NRSN1: variants seen among roughly 807,000 people sequenced by gnomAD.
The protein encoded by NRSN1 is neurensin-1.
NRSN1 carries 14 observed loss-of-function variants against 17.3 expected under a neutral mutation model. The ratio of observed to expected loss-of-function variants is 0.81; its 90% CI spans 0.54 to 1.27. NRSN1 has a LOEUF of 1.27. Ranked by LOEUF, NRSN1 falls within the 50% of genes most tolerant of loss-of-function variation. The pLI is 0.00. For synonymous variants in NRSN1, 79 were observed against 94.2 expected, an observed-to-expected ratio of 0.84 and a Z score of 0.93; for missense variants, 209 against 235.9, an observed-to-expected ratio of 0.89 and a Z score of 0.75.
In NRSN1 at chr6:24,145,989, G is replaced by T; in HGVS notation, c.*43G>T. On this transcript the variant is annotated 3_prime_UTR_variant, in exon 4 of 4. Coordinates refer to ENST00000378491, the MANE Select transcript of NRSN1 (RefSeq NM_080723.5). This position sits in a 1 kb window ranked among gnomAD's most constrained non-coding sequence, Gnocchi z 4.4. Reference sequence around the variant, plus strand: ...TTCTTCTTGTCTGATTTATGCCCGTGGTTAAAAAGAGCAGGCCAGTTTTCG... The same window carrying T: ...TTCTTCTTGTCTGATTTATGCCCGTTGTTAAAAAGAGCAGGCCAGTTTTCG... 1 of 1,565,520 alleles carries T rather than the reference G, an allele frequency of 6.4e-7. No individual in the cohort carries two copies. The highest frequency in any genetic ancestry group is 8.7e-7 in the Non-Finnish European group (1 of 1,154,508).
At chr6:24,141,085 C>A in intron 3 of NRSN1, 1 of 1,412,370 alleles carries the variant, frequency 7.1e-7, no homozygotes. Context: ...CCCCAGGTTG[C>A]TCTGCTGAGC....
intron 3 of NRSN1, among the ~76,000 whole-genome samples, chr6:24,137,302 T>G (rs182925827): frequency 6.6e-6 from 1 of 152,214 alleles, no homozygotes; most frequent in East Asian, 1.9e-4. Context: ...TAACATCTAT[T>G]TCACAGTATC....
intron 3 of NRSN1, among the ~76,000 whole-genome samples, chr6:24,143,265 A>C (rs1274767684): frequency 6.6e-6 from 1 of 152,062 alleles, no homozygotes; most frequent in Non-Finnish European, 1.5e-5. Flanking sequence ...CCAAAGTGCT[A>C]AGATTACAGG....
chr6:24,137,929 A>T (rs1760142229), intron 3 of NRSN1, among the ~76,000 whole-genome samples: 2 of 152,072 alleles, frequency 1.3e-5, no homozygotes, highest in Admixed American at 6.6e-5. Flanking sequence ...GCTAAGAGTC[A>T]TGGGAGAGTA....
At chr6:24,141,929 A>G (rs1760210584) in intron 3 of NRSN1, among the ~76,000 whole-genome samples, 1 of 151,620 alleles carries the variant, frequency 6.6e-6, no homozygotes, top group South Asian at 2.1e-4. Context: ...GCTACCCTCA[A>G]TTTTTGATAA....
At chr6:24,142,759 T>C (rs1032429689) in intron 3 of NRSN1, among the ~76,000 whole-genome samples, 2 of 152,152 alleles carry the variant, frequency 1.3e-5, no homozygotes, top group African/African-American at 4.8e-5. Context: ...GCAGTGAGTG[T>C]TACAACTCAT....
At chr6:24,131,835 T>C (rs564620158) in intron 2 of NRSN1, among the ~76,000 whole-genome samples, 1 of 152,370 alleles carries the variant, frequency 6.6e-6, no homozygotes, top group East Asian at 1.9e-4. Flanking sequence ...AATATTCTTT[T>C]GATCTGCCAG....
At position 24,135,200 on chromosome 6, in the gene NRSN1, G is replaced by A. The variant is rs181834354; in HGVS notation, c.189+684G>A. On this transcript the variant is annotated intron_variant, in intron 3 of 3. Transcript: ENST00000378491. ...CTGTAAACAAAGAAACCACATGATA[G>A]AATGTTAGGTAGTGATAGTGCTATG... Among the ~76,000 whole-genome samples the A allele has an allele frequency of 1.2e-4, 18 of 152,326 alleles. No homozygotes were observed. In the East Asian group the frequency reaches 1.7e-3, roughly 15 times the overall value.
In NRSN1 at chr6:24,146,106, C is replaced by G. The variant is rs1353361844; in HGVS notation, c.*160C>G. 1.2e-6 allele frequency: 1 copy of G among 803,264 alleles called. No homozygotes were observed. Among genetic ancestry groups the G allele is most frequent in the African/African-American group, 1.7e-5 (1 of 59,250 alleles). 49.8% of individuals were successfully genotyped at this position (803,264 alleles called of 1,614,324 possible). Reference sequence around the variant, plus strand: ...ACTCACACTTGCTCAGTTCAGGCAGCTCTGCTGGAGGGCGGTGCCATGCCT... The same window carrying G: ...ACTCACACTTGCTCAGTTCAGGCAGGTCTGCTGGAGGGCGGTGCCATGCCT... On this transcript the variant is annotated 3_prime_UTR_variant, in exon 4 of 4. Transcript: ENST00000378491.
At chr6:24,138,859 A>G (rs1232196288) in intron 3 of NRSN1, among the ~76,000 whole-genome samples, 5 of 152,224 alleles carry the variant, frequency 3.3e-5, no homozygotes, top group African/African-American at 1.2e-4. Context: ...TAAATCGCAA[A>G]TAAATATTGT....
chr6:24,140,097 G>A (rs1445921068), intron 3 of NRSN1, among the ~76,000 whole-genome samples: 3 of 152,188 alleles, frequency 2.0e-5, no homozygotes, highest in Non-Finnish European at 2.9e-5. Flanking sequence ...ATCAATGAAC[G>A]TAGAATATTT....
rs1484150562 is a variant in NRSN1, at chr6:24,142,212, T to TTTTTTTTTTTTTTTTTTTTC, written c.190-3334_190-3333insTTTTTTTTTTTTTTTTTCTT. Among the ~76,000 whole-genome samples the TTTTTTTTTTTTTTTTTTTTC allele has an allele frequency of 5.6e-4, 76 of 134,588 alleles. 7 individuals carry two copies. The highest frequency in any genetic ancestry group is 9.4e-4 in the Non-Finnish European group (57 of 60,528). The allele number at this position is 134,588 out of a possible 152,430, so 88.3% of individuals were successfully genotyped here. A position where few individuals can be genotyped will look rare whatever the true frequency, so the allele number is the denominator to read the frequency against. ...ACAGCTTTTTTTTTTTTTTTTTTTT[T>TTTTTTTTTTTTTTTTTTTTC]TTCAGAAGACATCCTATTGACTCTT... On this transcript the variant is annotated intron_variant, in intron 3 of 3. Coordinates refer to ENST00000378491, the MANE Select transcript of NRSN1 (RefSeq NM_080723.5).
chr6:24,142,383 G>A (rs1760224990), intron 3 of NRSN1, among the ~76,000 whole-genome samples: 1 of 152,072 alleles, frequency 6.6e-6, no homozygotes, highest in Non-Finnish European at 1.5e-5. Flanking sequence ...GTCATGGGTA[G>A]CAGGAATCAC....
chr6:24,140,934 G>A, intron 3 of NRSN1: 3 of 1,322,688 alleles, frequency 2.3e-6, no homozygotes, highest in Non-Finnish European at 2.9e-6. Flanking sequence ...CAGGAACTGG[G>A]TTTTCACACA....
rs371479525 is a variant in NRSN1 at position 24,140,646 on chromosome 6, A to G, written c.190-4902A>G. On this transcript the variant is annotated intron_variant, in intron 3 of 3. Transcript: ENST00000378491. The stretch of plus-strand genomic sequence containing the variant: ...GATGGCGCCTTGCACATGCAGCTCC[A>G]TCCAGCATTCCCCGCACGCCAGGCC... Among the ~76,000 whole-genome samples, 10 of 152,350 alleles carry G rather than the reference A, an allele frequency of 6.6e-5. No homozygotes were observed. The South Asian group carries it at 1.9e-3, about 28-fold the overall frequency.
chr6:24,141,240 G>A, intron 3 of NRSN1: 2 of 1,265,238 alleles, frequency 1.6e-6, no homozygotes, highest in Non-Finnish European at 2.0e-6. Flanking sequence ...TTAGACCTGG[G>A]ACCAATTCGA....
intron 2 of NRSN1, chr6:24,129,348 G>A (rs183274054): frequency 6.6e-6 from 1 of 152,274 alleles, no homozygotes; most frequent in East Asian, 1.9e-4. Context: ...GGAAGGGGAG[G>A]ATGAAAAATG....
intron 2 of NRSN1, among the ~76,000 whole-genome samples, chr6:24,134,004 TTGTGTGTGTGTGTGTGTGTGTG>T (rs71002461): frequency 7.5e-6 from 1 of 132,858 alleles, no homozygotes; most frequent in Non-Finnish European, 1.6e-5. Context: ...ACCCAGCTAA[TTGTGTGTGTGTGTGTGTGTGTG>T]TGTGTGTGTG....
chr6:24,129,184 C>T (rs1267806772), intron 2 of NRSN1: 1 of 152,158 alleles, frequency 6.6e-6, no homozygotes, highest in Non-Finnish European at 1.5e-5. Flanking sequence ...CTCCCTTTAC[C>T]TCTTGATGAT....
Sources: gnomAD v4.1 joint callset for allele counts (sites outside exome capture counted in the v4.1 genomes callset) on GRCh38, gnomAD v4.1.1 for gene constraint, Gnocchi (gnomAD v3.1) non-coding constraint, MANE v1.5 for transcripts, NCBI Gene and HGNC (gene_info 2026-07-23, HGNC 2026-07-21) for gene names.